The following SYNE1 variants were observed in gnomAD, a reference collection of about 807,000 sequenced individuals.
The protein encoded by SYNE1 is nesprin-1.
SYNE1 carries 616 observed loss-of-function variants against 1,111.0 expected under a neutral mutation model. The ratio of observed to expected loss-of-function variants is 0.55; its 90% CI spans 0.52 to 0.59. The LOEUF is 0.59. Among genes scored for constraint, SYNE1 ranks in the 20% least tolerant of loss-of-function variants. The pLI, the probability that SYNE1 is intolerant of heterozygous loss-of-function variation, is 0.00. For missense variants in SYNE1, 10,006 were observed against 10,417.0 expected (o/e 0.96, Z 1.72); for synonymous variants, 3,855 against 3,825.8 (o/e 1.01, Z -0.28).
intron 36 of SYNE1, among the ~76,000 whole-genome samples, chr6:152,429,182 T>C (rs1026529487): frequency 6.6e-6 from 1 of 151,886 alleles, no homozygotes; most frequent in Non-Finnish European, 1.5e-5. Context: ...TTGACTCTTT[T>C]CATCTTCCTG....
chr6:152,577,240 G>A (rs2099500340), intron 3 of SYNE1, among the ~76,000 whole-genome samples: 2 of 152,136 alleles, frequency 1.3e-5, no homozygotes, highest in Non-Finnish European at 1.5e-5. Flanking sequence ...ATGGTTTTAG[G>A]CAGAAATGTG....
At chr6:152,268,229 A>G in intron 99 of SYNE1, 64 bp from the exon 100 acceptor site, 1 of 1,301,710 alleles carries the variant, frequency 7.7e-7, no homozygotes, top group Non-Finnish European at 1.1e-6. Flanking sequence ...CTACAATCAT[A>G]GTTCTAGCTA....
intron 3 of SYNE1, among the ~76,000 whole-genome samples, chr6:152,609,228 C>T (rs1333227161): frequency 1.3e-5 from 2 of 152,108 alleles, no homozygotes; most frequent in East Asian, 2.0e-4. Context: ...CAAGGGAAGC[C>T]GTGATAGACT....
intron 3 of SYNE1, among the ~76,000 whole-genome samples, chr6:152,626,942 C>T (rs1381015966): frequency 6.6e-6 from 1 of 152,178 alleles, no homozygotes; most frequent in Non-Finnish European, 1.5e-5. Flanking sequence ...ACAGCAAATG[C>T]ATTATAAGCA....
intron 145 of SYNE1, among the ~76,000 whole-genome samples, chr6:152,124,408 A>T (rs1027946365): frequency 3.9e-5 from 6 of 152,234 alleles, no homozygotes; most frequent in African/African-American, 1.4e-4. Flanking sequence ...TCACTGGTTT[A>T]AATTGGAAGC....
Position 152,293,971 on chromosome 6 carries a change from AG to A in SYNE1, c.17838del (p.Leu5947Ter). 1 of 1,614,140 alleles carries A rather than the reference AG, an allele frequency of 6.2e-7. No individual in the cohort carries two copies. The highest frequency in any genetic ancestry group is 1.3e-5 in the African/African-American group (1 of 75,040). On this transcript the variant is annotated frameshift_variant, in exon 94 of 146. Transcript: ENST00000367255. LOFTEE classifies it high-confidence loss of function. ...CCTTGAAGACTTACCACATTCTTTA[AG>A]GTTTCCCAAGAACGCTGCAAATCAC... Reference protein sequence around the residue: ...KLGDLQRSWETLKNVISEKQR... With the variant: ...KLGDLQRSWEXLKNVISEKQR...
intron 56 of SYNE1, among the ~76,000 whole-genome samples, chr6:152,379,192 C>T (rs2097350838): frequency 6.6e-6 from 1 of 152,142 alleles, no homozygotes; most frequent in African/African-American, 2.4e-5. Flanking sequence ...ATTTCTATAA[C>T]TTCATCCTAA....
intron 104 of SYNE1, among the ~76,000 whole-genome samples, chr6:152,251,225 A>G (rs1037016528): frequency 5.9e-5 from 9 of 151,952 alleles, no homozygotes; most frequent in Non-Finnish European, 1.3e-4. Flanking sequence ...TGCTGGGATT[A>G]CAGGCGTGAG....
intron 64 of SYNE1, among the ~76,000 whole-genome samples, chr6:152,361,779 C>G (rs1442341035): frequency 6.6e-6 from 1 of 151,140 alleles, no homozygotes; most frequent in Non-Finnish European, 1.5e-5. Context: ...AAAAATCTTT[C>G]CATGTAGTAC....
Position 152,283,523 on chromosome 6 carries a change from TTTTGTTTG to T in SYNE1, c.18207+447_18207+454del, listed in dbSNP as rs1039410283. ...GTACTCTATTCGGGAGACTGTTTTG[TTTTGTTTG>T]TTTGTTTGTTTGTTTGCTTTTTTGA... On this transcript the variant is annotated intron_variant, in intron 96 of 145. Coordinates refer to ENST00000367255, the MANE Select transcript of SYNE1 (RefSeq NM_182961.4). 4.6e-5 allele frequency among the ~76,000 whole-genome samples: 7 copies of T among 152,176 alleles called. No homozygotes were observed. The East Asian group carries it at 9.7e-4, about 21-fold the overall frequency.
chr6:152,409,023 T>A (rs1217613024), intron 44 of SYNE1, 45 bp downstream of exon 44: 2 of 1,580,690 alleles, frequency 1.3e-6, no homozygotes, highest in South Asian at 1.1e-5. Context: ...GATTGGGGAA[T>A]GTGAATATTT....
chr6:152,216,818 G>A (rs2078804715), intron 121 of SYNE1, among the ~76,000 whole-genome samples: 1 of 152,190 alleles, frequency 6.6e-6, no homozygotes, highest in Non-Finnish European at 1.5e-5. Context: ...TGCTTTGGGA[G>A]GCCAAGGAGG....
At chr6:152,453,406 A>C (rs2087447) in intron 25 of SYNE1, 180 bp downstream of exon 25, 1 of 820,596 alleles carries the variant, frequency 1.2e-6, no homozygotes. Flanking sequence ...TAGGAATAAC[A>C]CAATTCTATC....
chr6:152,373,748 A>AT (rs774651130), intron 58 of SYNE1, among the ~76,000 whole-genome samples: 46 of 152,262 alleles, frequency 3.0e-4, no homozygotes, highest in Non-Finnish European at 6.3e-4. Context: ...AATATTAAAA[A>AT]TTTGATAAAA....
intron 53 of SYNE1, among the ~76,000 whole-genome samples, chr6:152,389,036 T>A (rs2097565431): frequency 6.6e-6 from 1 of 151,946 alleles, no homozygotes; most frequent in East Asian, 1.9e-4. Context: ...ACTTTGAGAG[T>A]CACTGCCTAT....
intron 2 of SYNE1, among the ~76,000 whole-genome samples, chr6:152,634,214 C>T (rs2099702437): frequency 6.6e-6 from 1 of 152,162 alleles, no homozygotes; most frequent in African/African-American, 2.4e-5. Flanking sequence ...ATTTCAAACC[C>T]TGCAATGACC....
chr6:152,172,017 C>G (rs1000866283), intron 130 of SYNE1, among the ~76,000 whole-genome samples: 1 of 152,062 alleles, frequency 6.6e-6, no homozygotes. Context: ...TCTACTTCTA[C>G]AAAATGTTGA....
At chr6:152,142,133 C>T (rs2058661301) in intron 138 of SYNE1, among the ~76,000 whole-genome samples, 1 of 152,024 alleles carries the variant, frequency 6.6e-6, no homozygotes, top group Admixed American at 6.6e-5. Flanking sequence ...ACAGGTGATA[C>T]ATTCACATAT....
chr6:152,634,950 G>A (rs2129039278), intron 2 of SYNE1, among the ~76,000 whole-genome samples: 1 of 152,364 alleles, frequency 6.6e-6, no homozygotes, highest in Non-Finnish European at 1.5e-5. Context: ...AGACCACAGG[G>A]TGTGGCTGCA....
Sources: allele counts gnomAD v4.1 joint callset (sites outside exome capture counted in the v4.1 genomes callset), GRCh38; gene constraint gnomAD v4.1.1; transcripts MANE v1.5; gene names NCBI Gene and HGNC (gene_info 2026-07-23, HGNC 2026-07-21).